Variants in KCND2 observed in about 807,000 individuals in gnomAD.
KCND2 encodes A-type voltage-gated potassium channel KCND2.
A neutral mutation model predicts 54.4 loss-of-function variants in KCND2; 16 were observed. The ratio of observed to expected loss-of-function variants is 0.29; its 90% confidence interval spans 0.20 to 0.45. KCND2 has a LOEUF of 0.45. Among genes scored for constraint, KCND2 ranks in the 20% least tolerant of loss-of-function variants. The pLI is 1.00. For synonymous variants in KCND2, 317 were observed against 310.7 expected (o/e 1.02, Z -0.21); for missense variants, 486 against 824.2 (o/e 0.59, Z 5.02).
intron 1 of KCND2, among the ~76,000 whole-genome samples, chr7:120,633,141 G>A (rs756351005): frequency 1.3e-4 from 20 of 152,180 alleles, no homozygotes; most frequent in Admixed American, 2.0e-4. Context: ...TAAGAATCAA[G>A]AGGAGATAGG....
intron 1 of KCND2, among the ~76,000 whole-genome samples, chr7:120,508,789 G>C (rs1021428533): frequency 6.6e-5 from 10 of 151,622 alleles, no homozygotes; most frequent in Admixed American, 2.0e-4. Context: ...TATTTTTTCT[G>C]CCAACATTGT....
chr7:120,654,739 A>G (rs1791779591), intron 1 of KCND2, among the ~76,000 whole-genome samples: 1 of 152,116 alleles, frequency 6.6e-6, no homozygotes, highest in South Asian at 2.1e-4. Flanking sequence ...GTAAAGTGCT[A>G]CAGTAAAGTG....
chr7:120,652,052 A>G (rs1791741244), intron 1 of KCND2, among the ~76,000 whole-genome samples: 1 of 151,918 alleles, frequency 6.6e-6, no homozygotes, highest in Non-Finnish European at 1.5e-5. Context: ...CCTATCCCAG[A>G]TAGTGCAGTC....
intron 1 of KCND2, among the ~76,000 whole-genome samples, chr7:120,714,242 A>G (rs1333347328): frequency 2.0e-5 from 3 of 152,136 alleles, no homozygotes; most frequent in Non-Finnish European, 4.4e-5. Context: ...AAGATGTTCA[A>G]TCATTGGAAA....
intron 1 of KCND2, among the ~76,000 whole-genome samples, chr7:120,525,156 TACTA>T (rs1262381199): frequency 1.3e-5 from 2 of 152,320 alleles, no homozygotes; most frequent in African/African-American, 4.8e-5. Flanking sequence ...CTGTGATGCC[TACTA>T]ACTCTTTCCC....
intron 1 of KCND2, among the ~76,000 whole-genome samples, chr7:120,469,816 C>G (rs1021935051): frequency 9.9e-5 from 15 of 152,084 alleles, no homozygotes; most frequent in Non-Finnish European, 1.5e-5. Context: ...AGCTACCAGA[C>G]TAACTGCATG....
intron 1 of KCND2, among the ~76,000 whole-genome samples, chr7:120,438,701 G>A (rs1801904570): frequency 6.6e-6 from 1 of 152,024 alleles, no homozygotes; most frequent in Non-Finnish European, 1.5e-5. Flanking sequence ...TCATCATAAT[G>A]TCACACATGA....
chr7:120,654,858 A>AT (rs1195255619), intron 1 of KCND2, among the ~76,000 whole-genome samples: 1 of 152,116 alleles, frequency 6.6e-6, no homozygotes, highest in Non-Finnish European at 1.5e-5. Flanking sequence ...ATTCATATGG[A>AT]TTTTTTATAT....
At chr7:120,284,664 A>G (rs1799314288) in intron 1 of KCND2, among the ~76,000 whole-genome samples, 1 of 152,168 alleles carries the variant, frequency 6.6e-6, no homozygotes, top group South Asian at 2.1e-4. Context: ...GAAATGTCTC[A>G]GTTTATACTT....
intron 1 of KCND2, among the ~76,000 whole-genome samples, chr7:120,532,011 G>A (rs1359813288): frequency 6.6e-6 from 1 of 152,006 alleles, no homozygotes; most frequent in East Asian, 1.9e-4. Context: ...TCACTGAGCT[G>A]ATCATTGATT....
chr7:120,665,428 C>T (rs1401243714), intron 1 of KCND2, among the ~76,000 whole-genome samples: 3 of 152,034 alleles, frequency 2.0e-5, no homozygotes, highest in Non-Finnish European at 2.9e-5. Flanking sequence ...ATGCACTTTT[C>T]AGTATCTTAA....
In KCND2 at chr7:120,285,253, G is replaced by A. The variant is rs139212033; in HGVS notation, c.1115+9506G>A. On this transcript the variant is annotated intron_variant, in intron 1 of 5. Coordinates refer to ENST00000331113, the MANE Select transcript of KCND2 (RefSeq NM_012281.3). ...TCTTCAGTTATGTGTTTAAATTCAA[G>A]GCTGAACATATCATAGCCAATAATA... is the stretch of plus-strand genomic sequence containing the variant. 4.9e-4 allele frequency among the ~76,000 whole-genome samples: 74 copies of A among 152,042 alleles called. 1 individual carries two copies. Among genetic ancestry groups the A allele is most frequent in the African/African-American group, 1.6e-3 (67 of 41,514 alleles).
chr7:120,530,490 G>C (rs1397703202), intron 1 of KCND2, among the ~76,000 whole-genome samples: 1 of 151,970 alleles, frequency 6.6e-6, no homozygotes, highest in African/African-American at 2.4e-5. Flanking sequence ...CATTGTCATT[G>C]CTTCCAAAGA....
chr7:120,596,241 A>T (rs1792744044), intron 1 of KCND2, among the ~76,000 whole-genome samples: 1 of 152,204 alleles, frequency 6.6e-6, no homozygotes. Flanking sequence ...AAATGAATTA[A>T]ATATTGGCCC....
intron 1 of KCND2, among the ~76,000 whole-genome samples, chr7:120,416,400 T>C (rs1801525816): frequency 6.6e-6 from 1 of 152,146 alleles, no homozygotes; most frequent in Non-Finnish European, 1.5e-5. Context: ...TTTACATAGC[T>C]CAAAAATCAC....
At chr7:120,424,030 A>G (rs1351309580) in intron 1 of KCND2, among the ~76,000 whole-genome samples, 1 of 152,216 alleles carries the variant, frequency 6.6e-6, no homozygotes, top group Non-Finnish European at 1.5e-5. Flanking sequence ...TTGGTAGATT[A>G]TCCTATAGGC....
At chr7:120,461,050 G>A (rs1376922101) in intron 1 of KCND2, among the ~76,000 whole-genome samples, 1 of 152,100 alleles carries the variant, frequency 6.6e-6, no homozygotes, top group Non-Finnish European at 1.5e-5. Context: ...CTGTCACCCT[G>A]TACCTTGGAT....
intron 1 of KCND2, among the ~76,000 whole-genome samples, chr7:120,600,032 A>C (rs1455161845): frequency 6.6e-6 from 1 of 151,676 alleles, no homozygotes; most frequent in African/African-American, 2.4e-5. Flanking sequence ...TTTTCCCTGC[A>C]TCTAGTAAGA....
intron 1 of KCND2, among the ~76,000 whole-genome samples, chr7:120,718,703 A>T (rs2116096338): frequency 6.6e-6 from 1 of 152,324 alleles, no homozygotes; most frequent in Middle Eastern, 3.4e-3. Context: ...ACTTAAAAAA[A>T]TAATTTAGAA....
Sources: allele counts gnomAD v4.1 joint callset (sites outside exome capture counted in the v4.1 genomes callset), GRCh38; gene constraint gnomAD v4.1.1; transcripts MANE v1.5; gene names NCBI Gene and HGNC (gene_info 2026-07-23, HGNC 2026-07-21).